The following RIMS1 variants were observed in gnomAD, a reference collection of about 807,000 sequenced individuals.
RIMS1 encodes regulating synaptic membrane exocytosis 1.
In RIMS1, 83 loss-of-function variants were observed where a neutral mutation model predicts 214.1. The observed-to-expected ratio is 0.39, with a 90% CI of 0.32 to 0.47. The LOEUF (loss-of-function observed/expected upper bound fraction) is 0.47, where lower values mean the gene tolerates loss of function less well. Ranked by LOEUF, RIMS1 falls within the 20% of genes least tolerant of loss-of-function variation. RIMS1 has a pLI of 0.99. For synonymous variants in RIMS1, 793 were observed against 786.8 expected (o/e 1.01, Z -0.13); for missense variants, 2,050 against 2,161.8 (o/e 0.95, Z 1.03).
intron 12 of RIMS1, 142 bp from the exon 13 acceptor site, chr6:72,250,188 T>C: frequency 1.4e-6 from 1 of 730,072 alleles, no homozygotes; most frequent in South Asian, 2.0e-5. Flanking sequence ...GCTTTCAAAT[T>C]GGTGTGTTTT....
intron 6 of RIMS1, among the ~76,000 whole-genome samples, chr6:72,231,974 T>G (rs181745127): frequency 6.6e-6 from 1 of 151,416 alleles, no homozygotes; most frequent in Non-Finnish European, 1.5e-5. Context: ...TCCTGAGGAG[T>G]AGTTTTCAAG....
intron 29 of RIMS1, among the ~76,000 whole-genome samples, chr6:72,373,143 A>G (rs1468068613): frequency 1.3e-5 from 2 of 152,144 alleles, no homozygotes; most frequent in Non-Finnish European, 2.9e-5. Flanking sequence ...TCCGTCATTT[A>G]TTTTTAAGGT....
At position 72,248,103 on chromosome 6, in the gene RIMS1, A is replaced by G. The variant is rs763202651; in HGVS notation, c.2217A>G (p.Pro739=). Residue 739 remains proline, a synonymous_variant, in exon 12 of 34, where the codon CCA becomes CCG. Coordinates refer to ENST00000521978, the MANE Select transcript of RIMS1 (RefSeq NM_014989.7). ...GTCCTGGAGCTCTAAAAGATGCCCC[A>G]CAAGTCTTACCAGGGCAACTTTCTG... The part of the protein sequence containing the change: ...PTSPGALKDA[P]QVLPGQLSVK... 1 of 1,612,278 alleles carries G rather than the reference A, an allele frequency of 6.2e-7. No homozygotes were observed.
At chr6:71,998,242 C>T (rs996597040) in intron 2 of RIMS1, among the ~76,000 whole-genome samples, 7 of 152,214 alleles carry the variant, frequency 4.6e-5, no homozygotes, top group African/African-American at 1.7e-4. Flanking sequence ...TAATCAGCCT[C>T]AGTGGTCGAC....
At chr6:72,068,204 G>T (rs1348359483) in intron 2 of RIMS1, among the ~76,000 whole-genome samples, 1 of 152,158 alleles carries the variant, frequency 6.6e-6, no homozygotes, top group East Asian at 1.9e-4. Context: ...GTAATATCCA[G>T]TAATATTCTA....
At position 72,165,365 on chromosome 6, in the gene RIMS1, T is replaced by G. The variant is rs1463357193; in HGVS notation, c.472-14210T>G. On this transcript the variant is annotated intron_variant, in intron 4 of 33. Transcript: ENST00000521978. ...TCTGTTTAAATTCTCCATGTTTTTA[T>G]GTAACTTACTGAACTTGTCAAACAA... 2.6e-5 allele frequency among the ~76,000 whole-genome samples: 4 copies of G among 152,316 alleles called. No individual in the cohort carries two copies. The East Asian group carries it at 7.7e-4, about 29-fold the overall frequency.
intron 4 of RIMS1, among the ~76,000 whole-genome samples, chr6:72,124,257 T>G (rs779429683): frequency 7.2e-5 from 11 of 151,890 alleles, no homozygotes; most frequent in Non-Finnish European, 1.2e-4. Context: ...GATATGAAAA[T>G]CTGGGTTGAA....
At chr6:72,223,769 A>C (rs1031119342) in intron 6 of RIMS1, among the ~76,000 whole-genome samples, 1 of 151,936 alleles carries the variant, frequency 6.6e-6, no homozygotes, top group African/African-American at 2.4e-5. Context: ...AACACGGTGA[A>C]ACTCTGTCTA....
chr6:72,252,749 A>G lies in RIMS1; in HGVS notation c.2699-12A>G. Reference sequence around the variant, plus strand: ...AGACACAGAAGTATCTCTTTGCCTTACTGTTGTGCAGGATCTCAGCGAATC... The same window carrying G: ...AGACACAGAAGTATCTCTTTGCCTTGCTGTTGTGCAGGATCTCAGCGAATC... On this transcript the variant is annotated splice_polypyrimidine_tract_variant and intron_variant, in intron 15 of 33. Transcript: ENST00000521978. 1 of 1,554,394 alleles carries G rather than the reference A, an allele frequency of 6.4e-7. No homozygotes were observed. The highest frequency in any genetic ancestry group is 8.7e-7 in the Non-Finnish European group (1 of 1,147,224).
At chr6:72,099,284 C>T (rs926392629) in intron 3 of RIMS1, among the ~76,000 whole-genome samples, 5 of 152,080 alleles carry the variant, frequency 3.3e-5, no homozygotes, top group Non-Finnish European at 5.9e-5. Context: ...GACACTCACG[C>T]CTAGTGTAGT....
rs1774944355 is a variant in RIMS1 at position 72,265,473 on chromosome 6, T to C, written c.3278T>C (p.Val1093Ala). 1 of 1,595,380 alleles carries C rather than the reference T, an allele frequency of 6.3e-7. No homozygotes were observed. The highest frequency in any genetic ancestry group is 1.3e-5 in the African/African-American group (1 of 74,406). Residue 1093 changes from valine to alanine, a missense_variant, in exon 21 of 34, where the codon GTA becomes GCA. Val to Ala is a moderately conservative substitution (Grantham distance 64). Around this residue, in one of 6 missense-constraint regions of RIMS1, gnomAD observed 889 missense variants for 885.5 expected, o/e 1.00. Coordinates refer to ENST00000521978, the MANE Select transcript of RIMS1 (RefSeq NM_014989.7). ...CATCATGAATGCTTTAACTCAACAG[T>C]ATTGAGATTTACTGATGAAATACTG... The part of the protein sequence containing the change: ...SLHHECFNST[V>A]LRFTDEILVS...
intron 28 of RIMS1, among the ~76,000 whole-genome samples, chr6:72,326,386 A>C (rs1593586882): frequency 6.6e-6 from 1 of 151,848 alleles, no homozygotes; most frequent in East Asian, 1.9e-4. Flanking sequence ...CTGGCAAATG[A>C]AGGTACAGAT....
intron 29 of RIMS1, among the ~76,000 whole-genome samples, chr6:72,336,448 T>C (rs2096847632): frequency 6.6e-6 from 1 of 151,854 alleles, no homozygotes; most frequent in African/African-American, 2.4e-5. Flanking sequence ...GAAGATGTAT[T>C]GTTAATAACT....
chr6:72,397,979 G>C (rs2098799219), intron 31 of RIMS1, among the ~76,000 whole-genome samples: 1 of 152,040 alleles, frequency 6.6e-6, no homozygotes, highest in African/African-American at 2.4e-5. Context: ...AAGAATTATA[G>C]AAATACTTTA....
At chr6:72,063,229 A>T (rs919313269) in intron 2 of RIMS1, among the ~76,000 whole-genome samples, 1 of 152,164 alleles carries the variant, frequency 6.6e-6, no homozygotes, top group Non-Finnish European at 1.5e-5. Context: ...GAGAGGAAGT[A>T]TTAATTCCCC....
chr6:72,379,357 G>A lies in RIMS1; in HGVS notation c.4367-11241G>A, dbSNP rs139925257. Among the ~76,000 whole-genome samples, 32 of 152,336 alleles carry A rather than the reference G, an allele frequency of 2.1e-4. 2 individuals are homozygous for A. Among genetic ancestry groups the A allele is most frequent in the Middle Eastern group, 3.4e-3 (1 of 294 alleles). On this transcript the variant is annotated intron_variant, in intron 29 of 33. Coordinates refer to ENST00000521978, the MANE Select transcript of RIMS1 (RefSeq NM_014989.7). ...CTAGCTCCCACCATCATGTCCCCAT[G>A]CCTTCAAGAGCAGAGGAGGGAAGGG...
At chr6:72,336,528 G>A (rs2096850581) in intron 29 of RIMS1, among the ~76,000 whole-genome samples, 1 of 151,868 alleles carries the variant, frequency 6.6e-6, no homozygotes, top group South Asian at 2.1e-4. Flanking sequence ...GGATTATGAA[G>A]CCAAGATACC....
chr6:72,288,953 C>A (rs1480390940), intron 24 of RIMS1, among the ~76,000 whole-genome samples: 1 of 152,188 alleles, frequency 6.6e-6, no homozygotes, highest in Non-Finnish European at 1.5e-5. Context: ...CACTGCAAGC[C>A]TTGTGGCTCA....
chr6:71,992,400 C>CTT (rs1554175112), intron 2 of RIMS1, among the ~76,000 whole-genome samples: 4 of 87,794 alleles, frequency 4.6e-5, no homozygotes, highest in South Asian at 4.0e-4. Context: ...TTCTTTCTCT[C>CTT]TCTCTCTTTC....
Sources: allele counts gnomAD v4.1 joint callset (sites outside exome capture counted in the v4.1 genomes callset), GRCh38; gene constraint gnomAD v4.1.1; regional missense constraint gnomAD v4.1.1; transcripts MANE v1.5; gene names NCBI Gene and HGNC (gene_info 2026-07-23, HGNC 2026-07-21).